Variants in SRPK2 observed in about 807,000 individuals in gnomAD.
SRPK2 encodes SRSF protein kinase 2, also known as SFRS protein kinase 2.
Under a neutral mutation model 90.8 loss-of-function variants are expected in SRPK2, and 21 were observed. The ratio of observed to expected loss-of-function variants is 0.23; its 90% CI spans 0.16 to 0.33. SRPK2 has a LOEUF of 0.33. Among genes scored for constraint, SRPK2 ranks in the 10% least tolerant of loss-of-function variants. The pLI is 1.00. For synonymous variants in SRPK2, 288 were observed against 311.1 expected (o/e 0.93, Z 0.78); for missense variants, 620 against 869.0 (o/e 0.71, Z 3.60).
At chr7:105,394,224 C>T (rs1822260951), upstream of SRPK2, among the ~76,000 whole-genome samples, 1 of 151,198 alleles carries the variant, frequency 6.6e-6, no homozygotes, top group Admixed American at 6.6e-5. Context: ...CTCACCGCAA[C>T]CTCTGCCTCC....
chr7:105,254,721 G>A lies in SRPK2; in HGVS notation c.72-50936C>T, dbSNP rs538685680. On this transcript the variant is annotated intron_variant, in intron 2 of 15. Transcript: ENST00000393651. Reference sequence around the variant, plus strand: ...TGTTGTTGTTTTGAGACAGAGTCTCGCCCCGTCACCCAGGCTGGAGTGCAG... The same window carrying A: ...TGTTGTTGTTTTGAGACAGAGTCTCACCCCGTCACCCAGGCTGGAGTGCAG... Among the ~76,000 whole-genome samples the A allele has an allele frequency of 2.7e-3, 414 of 151,646 alleles. 1 individual carries two copies. Among genetic ancestry groups the A allele is most frequent in the African/African-American group, 9.2e-3 (381 of 41,358 alleles).
intron 9 of SRPK2, chr7:105,143,676 C>T (rs960086160): frequency 1.6e-5 from 4 of 257,494 alleles, no homozygotes; most frequent in Non-Finnish European, 7.5e-6. Context: ...TTGCTGCTGT[C>T]TATATACAAA....
intron 3 of SRPK2, among the ~76,000 whole-genome samples, chr7:105,170,664 A>T (rs1246271596): frequency 6.6e-6 from 1 of 150,530 alleles, no homozygotes; most frequent in Non-Finnish European, 1.5e-5. Context: ...ACTGCACTCC[A>T]GCCTGGGTTA....
At chr7:105,186,222 G>A (rs150019771) in intron 3 of SRPK2, among the ~76,000 whole-genome samples, 56 of 152,270 alleles carry the variant, frequency 3.7e-4, no homozygotes, top group African/African-American at 1.3e-3. Flanking sequence ...GATTCAGGGA[G>A]TACATGTGCA....
intron 3 of SRPK2, among the ~76,000 whole-genome samples, chr7:105,193,694 C>T (rs917824342): frequency 1.3e-4 from 20 of 152,150 alleles, no homozygotes; most frequent in African/African-American, 4.6e-4. Flanking sequence ...TTGTTTGTGT[C>T]GTCTATGATT....
Position 105,131,890 on chromosome 7 carries a change from A to G in SRPK2, c.1752+901T>C, listed in dbSNP as rs148890793. On this transcript the variant is annotated intron_variant, in intron 13 of 15. Transcript: ENST00000393651. ...AACAGCAAGCAACCCACCTTTCCCA[A>G]CACGGAACGCCTAAGTAAATACCAC... Among the ~76,000 whole-genome samples, 31 of 152,308 alleles carry G rather than the reference A, an allele frequency of 2.0e-4. 2 individuals are homozygous for G. Among genetic ancestry groups the G allele is most frequent in the African/African-American group, 7.0e-4 (29 of 41,548 alleles).
At chr7:105,205,954 T>G in intron 2 of SRPK2, 1 of 518,796 alleles carries the variant, frequency 1.9e-6, no homozygotes, top group South Asian at 1.4e-5. Context: ...CACATTGAGT[T>G]TGCTGTAGAA....
intron 3 of SRPK2, among the ~76,000 whole-genome samples, chr7:105,184,496 T>C (rs1411608557): frequency 1.3e-5 from 2 of 152,192 alleles, no homozygotes; most frequent in African/African-American, 4.8e-5. Context: ...AAGCTAAGTG[T>C]CCCAGAGGAA....
At chr7:105,284,400 G>A (rs1392731309) in intron 2 of SRPK2, among the ~76,000 whole-genome samples, 1 of 152,204 alleles carries the variant, frequency 6.6e-6, no homozygotes, top group African/African-American at 2.4e-5. Flanking sequence ...GTACTGGTAA[G>A]AAATGAAGCC....
At chr7:105,180,277 C>T (rs1269236953) in intron 3 of SRPK2, among the ~76,000 whole-genome samples, 1 of 152,130 alleles carries the variant, frequency 6.6e-6, no homozygotes, top group Non-Finnish European at 1.5e-5. Flanking sequence ...TGCCACACAC[C>T]TACAACCAGC....
chr7:105,389,317 C>G, upstream of SRPK2: 3 of 1,281,522 alleles, frequency 2.3e-6, no homozygotes, highest in Non-Finnish European at 3.0e-6. Context: ...CGCACCACCT[C>G]TCTTCCCGCG....
At chr7:105,305,427 C>T (rs972594348) in intron 2 of SRPK2, among the ~76,000 whole-genome samples, 3 of 152,024 alleles carry the variant, frequency 2.0e-5, no homozygotes, top group African/African-American at 7.2e-5. Context: ...CACAATAGAG[C>T]GAGACTCTGT....
intron 2 of SRPK2, among the ~76,000 whole-genome samples, chr7:105,353,947 T>TC (rs1301937529): frequency 2.0e-5 from 3 of 152,218 alleles, no homozygotes; most frequent in Middle Eastern, 6.8e-3. Flanking sequence ...ATAACACTCC[T>TC]CCCCACAGTG....
intron 2 of SRPK2, among the ~76,000 whole-genome samples, chr7:105,261,040 A>C (rs984973938): frequency 4.0e-5 from 6 of 151,572 alleles, no homozygotes; most frequent in African/African-American, 7.3e-5. Flanking sequence ...AAAAAAAAAA[A>C]AACAGTATGG....
intron 2 of SRPK2, among the ~76,000 whole-genome samples, chr7:105,268,177 T>G (rs566088918): frequency 1.3e-5 from 2 of 152,334 alleles, no homozygotes; most frequent in East Asian, 1.9e-4. Context: ...ATAAAATAAT[T>G]GCTTTAAAAA....
intron 2 of SRPK2, among the ~76,000 whole-genome samples, chr7:105,342,346 TTAA>T (rs972891338): frequency 3.3e-5 from 5 of 149,524 alleles, no homozygotes; most frequent in East Asian, 1.9e-4. Context: ...AATAATAATA[TTAA>T]TAATAATAAT....
chr7:105,203,828 T>C (rs1795867305), intron 2 of SRPK2, 43 bp from the exon 3 acceptor site: 1 of 1,549,762 alleles, frequency 6.5e-7, no homozygotes, highest in Non-Finnish European at 8.7e-7. Flanking sequence ...TAGAAGTACA[T>C]CTTGCATTAT....
At chr7:105,276,090 T>A (rs1441393224) in intron 2 of SRPK2, among the ~76,000 whole-genome samples, 2 of 151,980 alleles carry the variant, frequency 1.3e-5, no homozygotes, top group East Asian at 1.9e-4. Context: ...ATATATTTTT[T>A]TTTTTTAGAG....
chr7:105,209,722 C>A (rs1796628678), intron 2 of SRPK2, among the ~76,000 whole-genome samples: 1 of 148,800 alleles, frequency 6.7e-6, no homozygotes, highest in African/African-American at 2.5e-5. Context: ...AACAAAAGAG[C>A]AAAGCAAAGC....
Sources: gnomAD v4.1 joint callset for allele counts (sites outside exome capture counted in the v4.1 genomes callset) on GRCh38, gnomAD v4.1.1 for gene constraint, MANE v1.5 for transcripts, NCBI Gene and HGNC (gene_info 2026-07-23, HGNC 2026-07-21) for gene names.